Variants in SLC7A7 observed in about 807,000 individuals in gnomAD.
The protein encoded by SLC7A7 is Y+L amino acid transporter 1.
Under a neutral mutation model 47.9 loss-of-function variants are expected in SLC7A7, and 39 were observed. The ratio of observed to expected loss-of-function variants is 0.81; its 90% CI spans 0.63 to 1.06. The LOEUF (loss-of-function observed/expected upper bound fraction) is 1.06, where lower values mean the gene tolerates loss of function less well. Among genes scored for constraint, SLC7A7 ranks in the 50% least tolerant of loss-of-function variants. The pLI is 0.00. For synonymous variants in SLC7A7, 234 were observed against 242.8 expected (o/e 0.96, Z 0.34); for missense variants, 588 against 632.0 (o/e 0.93, Z 0.75).
intron 2 of SLC7A7, among the ~76,000 whole-genome samples, chr14:22,810,307 A>G (rs1471126000): frequency 1.3e-5 from 2 of 151,194 alleles, no homozygotes; most frequent in Non-Finnish European, 3.0e-5. Flanking sequence ...TCTACTAAAA[A>G]TACAAAATTA....
intron 2 of SLC7A7, 113 bp downstream of exon 2, chr14:22,812,787 A>C: frequency 1.4e-6 from 1 of 727,950 alleles, no homozygotes; most frequent in Non-Finnish European, 2.1e-6. Context: ...ATATATATAT[A>C]TATATGTTGT....
At chr14:22,816,939 T>C (rs963515110), upstream of SLC7A7, among the ~76,000 whole-genome samples, 2 of 151,986 alleles carry the variant, frequency 1.3e-5, no homozygotes, top group Non-Finnish European at 2.9e-5. Flanking sequence ...ACTCTCCTTT[T>C]CTCCAAAATG....
rs764769171 is a variant in SLC7A7, at chr14:22,813,117, G to A, written c.282C>T (p.Gly94=). Residue 94 remains glycine, a synonymous_variant, in exon 2 of 10, where the codon GGC becomes GGT. Coordinates refer to ENST00000674313, the MANE Select transcript of SLC7A7 (RefSeq NM_003982.4). ...VFGALCYAEL[G]TTIKKSGASY... Reference sequence around the variant, plus strand: ...TGGCCCCAGATTTCTTAATGGTGGTGCCCAGTTCCGCATAACAAAGGGCCC... The same window carrying A: ...TGGCCCCAGATTTCTTAATGGTGGTACCCAGTTCCGCATAACAAAGGGCCC... The A allele has an allele frequency of 1.4e-5, 23 of 1,613,972 alleles. No homozygotes were observed. The South Asian group carries it at 2.5e-4, about 18-fold the overall frequency.
chr14:22,792,825 T>C (rs2038945544), intron 2 of SLC7A7, among the ~76,000 whole-genome samples: 1 of 131,086 alleles, frequency 7.6e-6, no homozygotes, highest in Non-Finnish European at 1.6e-5. Flanking sequence ...ACCACTGCAC[T>C]CCAGCCTGGA....
intron 2 of SLC7A7, among the ~76,000 whole-genome samples, chr14:22,802,902 C>A (rs993596066): frequency 6.6e-6 from 1 of 151,966 alleles, no homozygotes; most frequent in African/African-American, 2.4e-5. Flanking sequence ...CACCCCCACA[C>A]CCCATACATT....
At chr14:22,809,729 C>T (rs2039272416) in intron 2 of SLC7A7, among the ~76,000 whole-genome samples, 1 of 152,030 alleles carries the variant, frequency 6.6e-6, no homozygotes, top group African/African-American at 2.4e-5. Context: ...AGCGACTGCA[C>T]CCGGCCTTTG....
At chr14:22,803,346 A>T (rs1031455218) in intron 2 of SLC7A7, among the ~76,000 whole-genome samples, 3 of 152,174 alleles carry the variant, frequency 2.0e-5, no homozygotes, top group Non-Finnish European at 2.9e-5. Context: ...TGAACCCGGA[A>T]GGCGGAGGTT....
At chr14:22,818,992 C>T (rs1021206843), upstream of SLC7A7, among the ~76,000 whole-genome samples, 6 of 152,090 alleles carry the variant, frequency 3.9e-5, no homozygotes, top group African/African-American at 1.4e-4. Flanking sequence ...GTGAAGATTA[C>T]AGGACAACAC....
In SLC7A7 at chr14:22,813,047, T is replaced by G. The variant is rs750589845; in HGVS notation, c.352A>C (p.Ile118Leu). 2 of 1,613,886 alleles carry G rather than the reference T, an allele frequency of 1.2e-6. No homozygotes were observed. Among genetic ancestry groups the G allele is most frequent in the African/African-American group, 2.7e-5 (2 of 74,830 alleles). ...ATGAGCAGGGAGGTCCAGAGTCTGATGAAAGCAAGGAATCCTCCAAAGGCC... is the reference window on the plus strand; with the variant it reads ...ATGAGCAGGGAGGTCCAGAGTCTGAGGAAAGCAAGGAATCCTCCAAAGGCC... ...LEAFGGFLAF[I>L]RLWTSLLIIE... Residue 118 changes from isoleucine to leucine, a missense_variant, in exon 2 of 10, where the codon ATC (isoleucine) becomes CTC (leucine). Transcript: ENST00000674313.
chr14:22,812,994 A>C lies in SLC7A7; in HGVS notation c.405T>G (p.Ile135Met). The C allele has an allele frequency of 6.2e-7, 1 of 1,613,984 alleles. No individual in the cohort carries two copies. The highest frequency in any genetic ancestry group is 1.7e-5 in the Admixed American group (1 of 59,974). Residue 135 changes from isoleucine (I) to methionine (M), a missense_variant, in exon 2 of 10, where the codon ATT (isoleucine) becomes ATG (methionine). By Grantham distance (10) the Ile-to-Met change is conservative. Transcript: ENST00000674313. ...CCATGTAGTTGGCAAAGGTGATGGC[A>C]ATGATGGCCTGGCTGGTGGGCTCAA... ...LIIEPTSQAI[I>M]AITFANYMVQ...
At chr14:22,818,650 T>C (rs958511712), upstream of SLC7A7, among the ~76,000 whole-genome samples, 3 of 149,596 alleles carry the variant, frequency 2.0e-5, no homozygotes, top group African/African-American at 7.4e-5. Flanking sequence ...TCCCCCAGGC[T>C]GGAGTGCAGT....
At chr14:22,794,949 C>A (rs2038985071) in intron 2 of SLC7A7, among the ~76,000 whole-genome samples, 2 of 152,034 alleles carry the variant, frequency 1.3e-5, no homozygotes, top group South Asian at 4.1e-4. Flanking sequence ...ATCAATTCTC[C>A]TCAAAAGCAA....
At chr14:22,817,129 A>ATTTTTTTTTTTTTT, upstream of SLC7A7, 1 of 100,358 alleles carries the variant, frequency 1.0e-5, no homozygotes, top group Non-Finnish European at 2.1e-5. Flanking sequence ...CCTTCCTTTT[A>ATTTTTTTTTTTTTT]TTTTTTTTTT....
intron 2 of SLC7A7, among the ~76,000 whole-genome samples, chr14:22,799,755 G>A (rs888270382): frequency 2.6e-5 from 4 of 151,860 alleles, no homozygotes; most frequent in Non-Finnish European, 5.9e-5. Context: ...GCCCTGGCCT[G>A]TTCCTATGGT....
At position 22,813,541 on chromosome 14, in the gene SLC7A7, A is replaced by C. The variant is rs7157654; in HGVS notation, c.-42-101T>G. ...GGTAATACGGGCAGCTCACCAACCA[A>C]TGCGGAGACCTCCAAATAACCTTTT... On this transcript the variant is annotated intron_variant, in intron 1 of 9. Coordinates refer to ENST00000674313, the MANE Select transcript of SLC7A7 (RefSeq NM_003982.4). 580,909 of 957,002 alleles carry C rather than the reference A, an allele frequency of 0.61. 178,437 individuals carry two copies. Among genetic ancestry groups the C allele is most frequent in the East Asian group, 0.8 (31,238 of 38,850 alleles). The allele number at this position is 957,002 out of a possible 1,614,324, so 59.3% of individuals were successfully genotyped here.
rs924360114 is a variant in SLC7A7, at chr14:22,774,662, A to G, written c.1096-159T>C. On this transcript the variant is annotated intron_variant, in intron 7 of 9. Transcript: ENST00000674313. ...TTTAACACCCTAGTTTCAGTACCTT[A>G]TCCCCTCTCTTATAAGTCAGTAGTC... Among the ~76,000 whole-genome samples, 10 of 152,098 alleles carry G rather than the reference A, an allele frequency of 6.6e-5. No individual in the cohort carries two copies. The East Asian group carries it at 7.7e-4, about 12-fold the overall frequency.
intron 4 of SLC7A7, among the ~76,000 whole-genome samples, chr14:22,778,374 C>G (rs1433745474): frequency 1.3e-5 from 2 of 152,032 alleles, no homozygotes; most frequent in Non-Finnish European, 2.9e-5. Flanking sequence ...ACCACAATGT[C>G]AGTATGAATT....
intron 2 of SLC7A7, among the ~76,000 whole-genome samples, chr14:22,800,366 C>T (rs1406595947): frequency 6.6e-6 from 1 of 152,192 alleles, no homozygotes; most frequent in African/African-American, 2.4e-5. Flanking sequence ...GACTTTGACA[C>T]TCTACCCATC....
At chr14:22,812,442 C>CA (rs1329801338) in intron 2 of SLC7A7, among the ~76,000 whole-genome samples, 1 of 151,888 alleles carries the variant, frequency 6.6e-6, no homozygotes, top group Non-Finnish European at 1.5e-5. Flanking sequence ...GCTGGGATTA[C>CA]AGGCATAAGC....
Sources: allele counts gnomAD v4.1 joint callset (sites outside exome capture counted in the v4.1 genomes callset), GRCh38; gene constraint gnomAD v4.1.1; transcripts MANE v1.5; gene names NCBI Gene and HGNC (gene_info 2026-07-23, HGNC 2026-07-21).